ASCC3: variants seen among roughly 807,000 people sequenced by gnomAD.
ASCC3 encodes activating signal cointegrator 1 complex subunit 3.
A neutral mutation model predicts 256.3 loss-of-function variants in ASCC3; 158 were observed. The observed-to-expected ratio is 0.62, with a 90% confidence interval of 0.54 to 0.70. ASCC3 has a LOEUF of 0.70. ASCC3 is among the 30% of genes least tolerant of loss of function. The pLI, the probability that ASCC3 is intolerant of heterozygous loss-of-function variation, is 0.00. For missense variants in ASCC3, 2,259 were observed against 2,626.0 expected (o/e 0.86, Z 3.05); for synonymous variants, 948 against 883.4 (o/e 1.07, Z -1.30).
chr6:100,575,630 A>T (rs1218199866), intron 36 of ASCC3, among the ~76,000 whole-genome samples: 1 of 152,106 alleles, frequency 6.6e-6, no homozygotes, highest in African/African-American at 2.4e-5. Context: ...TGTGAAAATA[A>T]GAATTTCACT....
intron 30 of ASCC3, among the ~76,000 whole-genome samples, chr6:100,616,046 TA>T (rs1357272493): frequency 6.6e-6 from 1 of 152,208 alleles, no homozygotes; most frequent in East Asian, 1.9e-4. Context: ...ATTTCTGATT[TA>T]AAACAATTTC....
rs9399668 is a variant in ASCC3, at chr6:100,714,074, C to T, written c.2151+1388G>A. Among the ~76,000 whole-genome samples the T allele has an allele frequency of 0.022, 3,366 of 152,200 alleles. 239 individuals carry two copies. The East Asian group carries it at 0.27, about 12-fold the overall frequency. ...AGGTGGTAAATTATAGCCAGCAAGCCGCCTATTTTTGTAAATAAAGTTTTA... is the reference window on the plus strand; with the variant it reads ...AGGTGGTAAATTATAGCCAGCAAGCTGCCTATTTTTGTAAATAAAGTTTTA... On this transcript the variant is annotated intron_variant, in intron 13 of 41. Coordinates refer to ENST00000369162, the MANE Select transcript of ASCC3 (RefSeq NM_006828.4).
At chr6:100,610,625 A>G (rs1773345589) in intron 30 of ASCC3, among the ~76,000 whole-genome samples, 1 of 152,206 alleles carries the variant, frequency 6.6e-6, no homozygotes, top group Non-Finnish European at 1.5e-5. Flanking sequence ...TACAATGTCT[A>G]AATAGCTCAT....
intron 8 of ASCC3, among the ~76,000 whole-genome samples, chr6:100,786,302 T>G (rs1474934910): frequency 6.6e-6 from 1 of 152,146 alleles, no homozygotes; most frequent in Non-Finnish European, 1.5e-5. Context: ...TATTAAATTG[T>G]TAGATATAAT....
chr6:100,643,922 A>T (rs557349542), intron 23 of ASCC3, 109 bp downstream of exon 23: 1 of 733,632 alleles, frequency 1.4e-6, no homozygotes, highest in South Asian at 1.8e-5. Flanking sequence ...TAAAACATAA[A>T]ATAAAGTTTT....
intron 10 of ASCC3, among the ~76,000 whole-genome samples, chr6:100,741,222 A>G (rs1247573174): frequency 6.6e-6 from 1 of 152,134 alleles, no homozygotes; most frequent in Admixed American, 6.5e-5. Flanking sequence ...AATCTCTTCT[A>G]GCTTGTAGGT....
chr6:100,565,375 T>C (rs901392770), intron 36 of ASCC3, among the ~76,000 whole-genome samples: 2 of 152,150 alleles, frequency 1.3e-5, no homozygotes, highest in African/African-American at 4.8e-5. Flanking sequence ...CAAAGCGTCT[T>C]AGTGAAGGAG....
intron 4 of ASCC3, among the ~76,000 whole-genome samples, chr6:100,823,087 G>A (rs1218592940): frequency 6.6e-6 from 1 of 152,098 alleles, no homozygotes. Context: ...CTCTTAATAG[G>A]ATTTCCGTAA....
chr6:100,775,014 A>C (rs977288073), intron 8 of ASCC3, among the ~76,000 whole-genome samples: 1 of 152,170 alleles, frequency 6.6e-6, no homozygotes, highest in African/African-American at 2.4e-5. Context: ...AAAGTAGGCC[A>C]AGAGCAGACT....
At chr6:100,640,586 G>C (rs1775074924) in intron 24 of ASCC3, among the ~76,000 whole-genome samples, 1 of 152,116 alleles carries the variant, frequency 6.6e-6, no homozygotes, top group African/African-American at 2.4e-5. Flanking sequence ...TTTGAAGCAT[G>C]TATTTTAAAT....
chr6:100,553,295 A>G (rs536195397), intron 36 of ASCC3, among the ~76,000 whole-genome samples: 2 of 152,220 alleles, frequency 1.3e-5, no homozygotes, highest in East Asian at 1.9e-4. Flanking sequence ...AGGACACTCT[A>G]TTTACCTCCA....
At chr6:100,562,447 A>AT (rs942105841) in intron 36 of ASCC3, among the ~76,000 whole-genome samples, 68 of 152,158 alleles carry the variant, frequency 4.5e-4, no homozygotes, top group African/African-American at 1.6e-3. Context: ...CAGTAGGTAG[A>AT]TTTTTTTCTT....
At chr6:100,835,447 T>C (rs1305680359) in intron 4 of ASCC3, among the ~76,000 whole-genome samples, 1 of 152,168 alleles carries the variant, frequency 6.6e-6, no homozygotes, top group African/African-American at 2.4e-5. Flanking sequence ...GAGTTGATTT[T>C]TGTACATTGT....
intron 3 of ASCC3, among the ~76,000 whole-genome samples, chr6:100,861,186 A>G (rs1050920810): frequency 1.3e-5 from 2 of 152,116 alleles, no homozygotes; most frequent in African/African-American, 4.8e-5. Flanking sequence ...GATTTCTACC[A>G]TACTTCTATT....
chr6:100,638,469 T>G (rs1322867850), intron 25 of ASCC3, 132 bp downstream of exon 25: 1 of 713,840 alleles, frequency 1.4e-6, no homozygotes, highest in Non-Finnish European at 2.3e-6. Flanking sequence ...TGTACTGATC[T>G]GGTCCCCTGG....
At chr6:100,843,503 C>T (rs986976217) in intron 4 of ASCC3, among the ~76,000 whole-genome samples, 16 of 152,150 alleles carry the variant, frequency 1.1e-4, no homozygotes, top group African/African-American at 2.7e-4. Context: ...TACAATAACT[C>T]TATCAGTATC....
intron 14 of ASCC3, among the ~76,000 whole-genome samples, chr6:100,676,754 A>G (rs1777036271): frequency 9.7e-6 from 1 of 103,022 alleles, no homozygotes; most frequent in African/African-American, 3.8e-5. Flanking sequence ...GTGCGCGCAC[A>G]CACACACTCA....
At chr6:100,704,923 T>C in intron 13 of ASCC3, among the ~76,000 whole-genome samples, 1 of 152,100 alleles carries the variant, frequency 6.6e-6, no homozygotes, top group Non-Finnish European at 1.5e-5. Context: ...TAACAAAGTT[T>C]GTATAACAAG....
rs1431377059 is a variant in ASCC3, at chr6:100,881,246, C to T, written c.-227G>A. On this transcript the variant is annotated 5_prime_UTR_variant, in exon 1 of 42. Transcript: ENST00000369162. ...CAAGCCGCGCTTGCCGGGGTCGCGC[C>T]CAGTCACAGGGAACCGCGTGTGAGG... is the stretch of plus-strand genomic sequence containing the variant. 6.6e-6 allele frequency: 1 copy of T among 152,394 alleles called. No individual in the cohort carries two copies. The highest frequency in any genetic ancestry group is 1.9e-4 in the East Asian group (1 of 5,188). The allele number at this position is 152,394 out of a possible 1,614,324, so 9.4% of individuals were successfully genotyped here.
Sources: gnomAD v4.1 joint callset for allele counts (sites outside exome capture counted in the v4.1 genomes callset) on GRCh38, gnomAD v4.1.1 for gene constraint, MANE v1.5 for transcripts, NCBI Gene and HGNC (gene_info 2026-07-23, HGNC 2026-07-21) for gene names.